AIG1: variants seen among roughly 807,000 people sequenced by gnomAD.
AIG1 encodes the protein androgen-induced gene 1 protein.
Under a neutral mutation model 31.4 loss-of-function variants are expected in AIG1, and 23 were observed. The ratio of observed to expected loss-of-function variants is 0.73; its 90% CI spans 0.53 to 1.04. The LOEUF (loss-of-function observed/expected upper bound fraction) is 1.04, where lower values mean the gene tolerates loss of function less well. Among genes scored for constraint, AIG1 ranks in the 50% least tolerant of loss-of-function variants. AIG1 has a pLI of 0.00. For synonymous variants in AIG1, 100 were observed against 110.5 expected (o/e 0.90, Z 0.60); for missense variants, 274 against 295.0 (o/e 0.93, Z 0.52).
intron 2 of AIG1, among the ~76,000 whole-genome samples, chr6:143,151,356 A>G (rs1025014422): frequency 6.6e-6 from 1 of 152,256 alleles, no homozygotes; most frequent in African/African-American, 2.4e-5. Context: ...AGAGAAAAAC[A>G]AAAAATATTG....
chr6:143,343,302 T>C, downstream of AIG1: 1 of 620,664 alleles, frequency 1.6e-6, no homozygotes, highest in Non-Finnish European at 3.1e-6. Flanking sequence ...TGAACTGATT[T>C]GGAAGAACAG....
At chr6:143,106,398 G>A (rs1416001887) in intron 1 of AIG1, among the ~76,000 whole-genome samples, 1 of 152,196 alleles carries the variant, frequency 6.6e-6, no homozygotes, top group East Asian at 1.9e-4. Flanking sequence ...ATCATCCAGT[G>A]TATGATGCTT....
chr6:143,113,254 C>T (rs1417314339), intron 1 of AIG1, among the ~76,000 whole-genome samples: 1 of 151,498 alleles, frequency 6.6e-6, no homozygotes, highest in Non-Finnish European at 1.5e-5. Flanking sequence ...GTAATAAGAA[C>T]AGCCTAAAGC....
chr6:143,244,668 T>C (rs897540989), intron 3 of AIG1, among the ~76,000 whole-genome samples: 2 of 152,246 alleles, frequency 1.3e-5, no homozygotes, highest in East Asian at 1.9e-4. Flanking sequence ...ACTGTGAGCA[T>C]CAAGGTATAG....
intron 4 of AIG1, among the ~76,000 whole-genome samples, chr6:143,304,096 A>G (rs58636117): frequency 0.041 from 6,249 of 151,104 alleles, 424 homozygotes; most frequent in African/African-American, 0.14. Flanking sequence ...ACTTTGCTGA[A>G]GTTGCTTATC....
intron 3 of AIG1, among the ~76,000 whole-genome samples, chr6:143,172,878 G>A (rs1787770704): frequency 6.6e-6 from 1 of 152,098 alleles, no homozygotes; most frequent in Admixed American, 6.5e-5. Context: ...AGCCTTGAAT[G>A]ATCGTTTGTG....
Position 143,258,005 on chromosome 6 carries a change from A to G in AIG1, c.400-26105A>G, listed in dbSNP as rs2128654700. ...CTAACTGGGATTTCAAAAGTTAAAG[A>G]GGAGGAAGGGAAAGGAACAGAAACT... On this transcript the variant is annotated intron_variant, in intron 3 of 5. Coordinates refer to ENST00000357847, the MANE Select transcript of AIG1 (RefSeq NM_016108.4). The surrounding 1 kb of genome is among the most constrained non-coding windows in gnomAD (Gnocchi z 4.7). 6.6e-6 allele frequency among the ~76,000 whole-genome samples: 1 copy of G among 152,324 alleles called. No homozygotes were observed. The highest frequency in any genetic ancestry group is 2.1e-4 in the South Asian group (1 of 4,824).
chr6:143,078,890 G>T (rs1777964774), intron 1 of AIG1, among the ~76,000 whole-genome samples: 1 of 152,194 alleles, frequency 6.6e-6, no homozygotes, highest in Non-Finnish European at 1.5e-5. Flanking sequence ...TTGTTTATCT[G>T]TTTAAGCAGG....
In AIG1 at chr6:143,330,463, C is replaced by G. The variant is rs1776984135; in HGVS notation, c.516-2819C>G. Among the ~76,000 whole-genome samples, 1 of 152,036 alleles carries G rather than the reference C, an allele frequency of 6.6e-6. No individual in the cohort carries two copies. The highest frequency in any genetic ancestry group is 2.4e-5 in the African/African-American group (1 of 41,396). On this transcript the variant is annotated intron_variant, in intron 4 of 5. Coordinates refer to ENST00000357847, the MANE Select transcript of AIG1 (RefSeq NM_016108.4). This position sits in a 1 kb window ranked among gnomAD's most constrained non-coding sequence, Gnocchi z 4.4. Reference sequence around the variant, plus strand: ...GGGGAATAATACAAAAGCCTGGAGGCAGAGAGAGCTTAGAGTGTTCGAGGA... The same window carrying G: ...GGGGAATAATACAAAAGCCTGGAGGGAGAGAGAGCTTAGAGTGTTCGAGGA...
chr6:143,185,898 C>G (rs924961865), intron 3 of AIG1, among the ~76,000 whole-genome samples: 2 of 152,198 alleles, frequency 1.3e-5, no homozygotes, highest in Non-Finnish European at 2.9e-5. Context: ...TACCTATGAT[C>G]ATTTAATTTT....
At chr6:143,064,081 G>T (rs1362503807) in intron 1 of AIG1, among the ~76,000 whole-genome samples, 1 of 152,114 alleles carries the variant, frequency 6.6e-6, no homozygotes, top group African/African-American at 2.4e-5. Flanking sequence ...GTCTTGGTGT[G>T]GTAGGCAGAA....
downstream of AIG1, chr6:143,342,323 C>A (rs192145967): frequency 3.5e-3 from 2,351 of 676,124 alleles, 33 homozygotes; most frequent in African/African-American, 0.032. Context: ...GCAGCAGCTG[C>A]GAGGAGCTCA....
At chr6:143,303,833 C>T (rs374007873) in intron 4 of AIG1, among the ~76,000 whole-genome samples, 183 of 146,176 alleles carry the variant, frequency 1.3e-3, no homozygotes, top group African/African-American at 4.2e-3. Context: ...GCCATTTTCA[C>T]GATATTGATT....
chr6:143,219,556 G>A (rs916607046), intron 3 of AIG1, among the ~76,000 whole-genome samples: 1 of 152,150 alleles, frequency 6.6e-6, no homozygotes, highest in African/African-American at 2.4e-5. Context: ...ACGCAACTCA[G>A]TTTTCAAATG....
At chr6:143,336,979 T>G (rs1777539165) in intron 5 of AIG1, among the ~76,000 whole-genome samples, 1 of 152,066 alleles carries the variant, frequency 6.6e-6, no homozygotes, top group African/African-American at 2.4e-5. Context: ...GCGGGGGAAA[T>G]TCCATTCCAT....
Position 143,187,605 on chromosome 6 carries a change from A to G in AIG1, c.399+22422A>G, listed in dbSNP as rs1011915450. On this transcript the variant is annotated intron_variant, in intron 3 of 5. Transcript: ENST00000357847. ...TGCAGGGAGAGAAGGCAATTAAAAG[A>G]TGTTGCGACCTTTCTTTCTGCAGCA... The G allele has an allele frequency of 7.9e-5, 122 of 1,536,020 alleles. 1 individual carries two copies. Among genetic ancestry groups the G allele is most frequent in the Non-Finnish European group, 1.0e-4 (117 of 1,146,894 alleles).
At chr6:143,095,656 A>G (rs1279750870) in intron 1 of AIG1, among the ~76,000 whole-genome samples, 8 of 152,212 alleles carry the variant, frequency 5.3e-5, no homozygotes, top group Non-Finnish European at 1.2e-4. Context: ...TGACCAAGTT[A>G]TCTTCCTAAG....
At chr6:143,311,512 A>T (rs1356851448) in intron 4 of AIG1, among the ~76,000 whole-genome samples, 1 of 151,970 alleles carries the variant, frequency 6.6e-6, no homozygotes, top group Non-Finnish European at 1.5e-5. Flanking sequence ...CAACATTCAA[A>T]TACCAATTGA....
At chr6:143,091,151 C>T (rs1405481799) in intron 1 of AIG1, among the ~76,000 whole-genome samples, 1 of 152,158 alleles carries the variant, frequency 6.6e-6, no homozygotes, top group Non-Finnish European at 1.5e-5. Context: ...TATCTTCAGA[C>T]TCCACTTTTA....
Sources: allele counts gnomAD v4.1 joint callset (sites outside exome capture counted in the v4.1 genomes callset), GRCh38; gene constraint gnomAD v4.1.1; non-coding constraint Gnocchi (gnomAD v3.1); transcripts MANE v1.5; gene names NCBI Gene and HGNC (gene_info 2026-07-23, HGNC 2026-07-21).